TREML1: variants seen among roughly 807,000 people sequenced by gnomAD.
TREML1 encodes trem-like transcript 1 protein.
A neutral mutation model predicts 22.8 loss-of-function variants in TREML1; 27 were observed. The ratio of observed to expected loss-of-function variants is 1.19; its 90% confidence interval spans 0.87 to 1.64. The LOEUF (loss-of-function observed/expected upper bound fraction) is 1.64. TREML1 is among the 40% of genes most tolerant of loss of function. TREML1 has a pLI of 0.00. For missense variants in TREML1, 356 were observed against 382.0 expected (o/e 0.93, Z 0.57); for synonymous variants, 153 against 161.9 (o/e 0.94, Z 0.42).
chr6:41,150,971 G>T, intron 3 of TREML1, 64 bp from the exon 4 acceptor site: 1 of 1,412,172 alleles, frequency 7.1e-7, no homozygotes, highest in Non-Finnish European at 1.0e-6. Flanking sequence ...CTGGCCAGGA[G>T]CCCTGGAGCA....
chr6:41,151,359 A>G lies in TREML1; in HGVS notation c.402T>C (p.Ile134=). Residue 134 remains isoleucine (I), a synonymous_variant, in exon 3 of 6, where the codon ATT becomes ATC. Coordinates refer to ENST00000426005, the MANE Select transcript of TREML1 (RefSeq NM_178174.4). ...PPEEEEETHK[I]GSLAENAFSD... ...AGAATGCGTTCTCAGCCAGACTGCCAATCTTATGGGTCTCTTCTTCTTCCT... is the reference window on the plus strand; with the variant it reads ...AGAATGCGTTCTCAGCCAGACTGCCGATCTTATGGGTCTCTTCTTCTTCCT... 6.2e-7 allele frequency: 1 copy of G among 1,614,146 alleles called. No homozygotes were observed. The highest frequency in any genetic ancestry group is 8.5e-7 in the Non-Finnish European group (1 of 1,180,024).
In TREML1 at chr6:41,151,326, A is replaced by G. The variant is rs1032073745; in HGVS notation, c.435T>C (p.Pro145=). 2.5e-6 allele frequency: 4 copies of G among 1,614,114 alleles called. No homozygotes were observed. The highest frequency in any genetic ancestry group is 2.7e-5 in the African/African-American group (2 of 74,938). The change falls in exon 3 of 6, where the codon CCT becomes CCC. Residue 145 remains proline (P), a synonymous_variant. Coordinates refer to ENST00000426005, the MANE Select transcript of TREML1 (RefSeq NM_178174.4). ...GSLAENAFSD[P]AGSANPLEPS... ...GTTCCAAAGGGTTGGCACTGCCTGC[A>G]GGGTCTGAGAATGCGTTCTCAGCCA...
Position 41,154,048 on chromosome 6 carries a change from G to C in TREML1, c.86C>G (p.Pro29Arg). The change falls in exon 2 of 6, where the codon CCC (proline) becomes CGC (arginine). Residue 29 changes from proline (P) to arginine (R), a missense_variant. By Grantham distance (103) the Pro-to-Arg change is moderately radical. Coordinates refer to ENST00000426005, the MANE Select transcript of TREML1 (RefSeq NM_178174.4). Reference sequence around the variant, plus strand: ...CTGCACCAGAATGGAGCTTCCCACGGGTGCCTGCAGCACCTCAGGGAGGCT... The same window carrying C: ...CTGCACCAGAATGGAGCTTCCCACGCGTGCCTGCAGCACCTCAGGGAGGCT... ...VGSLPEVLQA[P>R]VGSSILVQCH... 2.5e-6 allele frequency: 4 copies of C among 1,614,012 alleles called. No individual in the cohort carries two copies. Among genetic ancestry groups the C allele is most frequent in the Admixed American group, 1.7e-5 (1 of 60,032 alleles).
intron 2 of TREML1, chr6:41,151,636 C>T (rs549778362): frequency 1.4e-5 from 7 of 498,248 alleles, no homozygotes; most frequent in African/African-American, 7.7e-5. Flanking sequence ...CCTCTACCAC[C>T]AGCTCCCCCC....
rs1765350009 is a variant in TREML1 at position 41,153,930 on chromosome 6, A to T, written c.204T>A (p.Asp68Glu). ...GCQPLVSSAVDRRAPAGRRTF... is the reference protein window; with the variant it reads ...GCQPLVSSAVERRAPAGRRTF... ...TACGCCTGCCCGCTGGAGCTCTGCG[A>T]TCCACAGCTGAGGACACCAGGGGCT... Residue 68 changes from aspartate to glutamate, a missense_variant, in exon 2 of 6, where the codon GAT becomes GAA. Physicochemically the swap from Asp to Glu is conservative, Grantham distance 45. Coordinates refer to ENST00000426005, the MANE Select transcript of TREML1 (RefSeq NM_178174.4). 6.2e-7 allele frequency: 1 copy of T among 1,614,046 alleles called. No homozygotes were observed. Among genetic ancestry groups the T allele is most frequent in the African/African-American group, 1.3e-5 (1 of 74,918 alleles).
chr6:41,154,733 A>G (rs551149535), upstream of TREML1, among the ~76,000 whole-genome samples: 2 of 152,268 alleles, frequency 1.3e-5, no homozygotes, highest in South Asian at 4.1e-4. Flanking sequence ...CGACCACCCA[A>G]GCTTTTAGGA....
rs2055383441 is a variant in TREML1 at position 41,154,078 on chromosome 6, A to G, written c.56T>C (p.Val19Ala). 7 of 1,611,992 alleles carry G rather than the reference A, an allele frequency of 4.3e-6. No individual in the cohort carries two copies. Among genetic ancestry groups the G allele is most frequent in the Non-Finnish European group, 5.1e-6 (6 of 1,178,922 alleles). ...CTGCAGCACCTCAGGGAGGCTGCCA[A>G]CTATGCCCTGACCTGGGGAAGGAAA... ...LLLGLEGQGIVGSLPEVLQAP... is the reference protein window; with the variant it reads ...LLLGLEGQGIAGSLPEVLQAP... The change falls in exon 2 of 6, where the codon GTT (valine) becomes GCT (alanine). Residue 19 changes from valine (V) to alanine (A), a missense_variant. Physicochemically the swap from Val to Ala is moderately conservative, Grantham distance 64. Transcript: ENST00000426005.
In TREML1 at chr6:41,154,051, G is replaced by A. The variant is rs760942330; in HGVS notation, c.83C>T (p.Ala28Val). The change falls in exon 2 of 6, where the codon GCA (alanine) becomes GTA (valine). Residue 28 changes from alanine (A) to valine (V), a missense_variant. Transcript: ENST00000426005. ...CACCAGAATGGAGCTTCCCACGGGT[G>A]CCTGCAGCACCTCAGGGAGGCTGCC... is the stretch of plus-strand genomic sequence containing the variant. ...IVGSLPEVLQ[A>V]PVGSSILVQC... 19 of 1,613,860 alleles carry A rather than the reference G, an allele frequency of 1.2e-5. No individual in the cohort carries two copies. Among genetic ancestry groups the A allele is most frequent in the Non-Finnish European group, 1.5e-5 (18 of 1,180,024 alleles).
At chr6:41,154,728 A>T (rs929939162), upstream of TREML1, among the ~76,000 whole-genome samples, 4 of 152,204 alleles carry the variant, frequency 2.6e-5, no homozygotes, top group Non-Finnish European at 5.9e-5. Context: ...CCCCACGACC[A>T]CCCAAGCTTT....
chr6:41,151,605 T>A (rs1765250125), intron 2 of TREML1: 1 of 552,520 alleles, frequency 1.8e-6, no homozygotes, highest in African/African-American at 1.9e-5. Flanking sequence ...CTTTACCTGG[T>A]TGTGACTACA....
At position 41,153,965 on chromosome 6, in the gene TREML1, C is replaced by G. The variant is rs776144903; in HGVS notation, c.169G>C (p.Glu57Gln). Residue 57 changes from glutamate (E) to glutamine (Q), a missense_variant, in exon 2 of 6, where the codon GAG (glutamate) becomes CAG (glutamine). By Grantham distance (29) the Glu-to-Gln change is conservative. Transcript: ENST00000426005. ...AQKVWCRFLP[E>Q]GCQPLVSSAV... ...GAGGACACCAGGGGCTGGCACCCCT[C>G]CGGCAAGAACCGGCACCACACCTTC... The G allele has an allele frequency of 1.1e-5, 17 of 1,614,088 alleles. No individual in the cohort carries two copies. Among genetic ancestry groups the G allele is most frequent in the Non-Finnish European group, 1.4e-5 (16 of 1,180,050 alleles).
chr6:41,150,870 G>T lies in TREML1; in HGVS notation c.517C>A (p.Leu173Met). Residue 173 changes from leucine (L) to methionine (M), a missense_variant, in exon 4 of 6, where the codon CTG (leucine) becomes ATG (methionine). Coordinates refer to ENST00000426005, the MANE Select transcript of TREML1 (RefSeq NM_178174.4). ...AACAGCACCACCGCTGCCACCAGCA[G>T]ACCTACCAGGAGCACAGCACCCCAG... is the stretch of plus-strand genomic sequence containing the variant. ...LIWGAVLLVG[L>M]LVAAVVLFAV... The T allele has an allele frequency of 6.2e-7, 1 of 1,614,132 alleles. No homozygotes were observed. The highest frequency in any genetic ancestry group is 1.1e-5 in the South Asian group (1 of 91,064).
Position 41,150,366 on chromosome 6 carries a change from C to G in TREML1, c.569-53G>C, listed in dbSNP as rs182375987. Reference sequence around the variant, plus strand: ...TCTGCTTCCGGGGCTGGCTCAGAGCCCTTCCCTCACTCCCTTCCTTCAGAA... The same window carrying G: ...TCTGCTTCCGGGGCTGGCTCAGAGCGCTTCCCTCACTCCCTTCCTTCAGAA... On this transcript the variant is annotated intron_variant, in intron 4 of 5. Transcript: ENST00000426005. 3.2e-6 allele frequency: 5 copies of G among 1,570,056 alleles called. No individual in the cohort carries two copies. In the Admixed American group the frequency reaches 5.2e-5, roughly 16 times the overall value.
At chr6:41,153,212 G>A (rs1417386316) in intron 2 of TREML1, among the ~76,000 whole-genome samples, 1 of 149,878 alleles carries the variant, frequency 6.7e-6, no homozygotes, top group Non-Finnish European at 1.5e-5. Flanking sequence ...AAATATTAAT[G>A]ACATTTTTCC....
chr6:41,150,764 AC>A (rs1561872862), intron 4 of TREML1, 54 bp downstream of exon 4: 4 of 1,522,212 alleles, frequency 2.6e-6, no homozygotes, highest in East Asian at 4.5e-5. Flanking sequence ...CATCTGCACA[AC>A]TGGTTGATAC....
At chr6:41,150,118 C>G (rs1475457767) in intron 5 of TREML1, 143 bp downstream of exon 5, 1 of 1,045,572 alleles carries the variant, frequency 9.6e-7, no homozygotes, top group African/African-American at 1.6e-5. Context: ...CCATTAGTGT[C>G]AAGTTTACAG....
Position 41,151,266 on chromosome 6 carries a change from C to A in TREML1, c.479+16G>T. On this transcript the variant is annotated intron_variant, in intron 3 of 5. Coordinates refer to ENST00000426005, the MANE Select transcript of TREML1 (RefSeq NM_178174.4). ...CCACCCTTCTCCTGGCCTCCCAAAT[C>A]CAATCCTGTCAGTACCTCTTCTCAT... 6.2e-7 allele frequency: 1 copy of A among 1,612,296 alleles called. No individual in the cohort carries two copies. The highest frequency in any genetic ancestry group is 8.5e-7 in the Non-Finnish European group (1 of 1,178,268).
rs767498071 is a variant in TREML1 at position 41,149,499 on chromosome 6, C to A, written c.*105G>T. ...AGGACATTGGATTAGATCTTAAAGT[C>A]CCTGGTTGCTCAGATATCCTAAGGA... On this transcript the variant is annotated 3_prime_UTR_variant, in exon 6 of 6. Coordinates refer to ENST00000426005, the MANE Select transcript of TREML1 (RefSeq NM_178174.4). 11 of 1,239,158 alleles carry A rather than the reference C, an allele frequency of 8.9e-6. No individual in the cohort carries two copies. Among genetic ancestry groups the A allele is most frequent in the Non-Finnish European group, 1.2e-5 (11 of 881,692 alleles). The allele number at this position is 1,239,158 out of a possible 1,614,324, so 76.8% of individuals were successfully genotyped here.
At chr6:41,150,355 T>A in intron 4 of TREML1, 42 bp from the exon 5 acceptor site, 2 of 1,604,766 alleles carry the variant, frequency 1.2e-6, no homozygotes, top group Non-Finnish European at 8.5e-7. Context: ...CTTCCGGGGC[T>A]GGCTCAGAGC....
Sources: gnomAD v4.1 joint callset for allele counts (sites outside exome capture counted in the v4.1 genomes callset) on GRCh38, gnomAD v4.1.1 for gene constraint, MANE v1.5 for transcripts, NCBI Gene and HGNC (gene_info 2026-07-23, HGNC 2026-07-21) for gene names.